The following ROBO1 variants were observed in gnomAD, a reference collection of about 807,000 sequenced individuals.
The protein encoded by ROBO1 is roundabout guidance receptor 1.
ROBO1 carries 149 observed loss-of-function variants against 195.9 expected under a neutral mutation model. The ratio of observed to expected loss-of-function variants is 0.76; its 90% confidence interval spans 0.67 to 0.87. The LOEUF is 0.87. Among genes scored for constraint, ROBO1 ranks in the 40% least tolerant of loss-of-function variants. The pLI is 0.00. For synonymous variants in ROBO1, 816 were observed against 733.2 expected, an observed-to-expected ratio of 1.11 and a Z score of -1.82; for missense variants, 1,933 against 2,068.3, an observed-to-expected ratio of 0.93 and a Z score of 1.27.
intron 2 of ROBO1, among the ~76,000 whole-genome samples, chr3:79,281,534 T>C (rs922304434): frequency 2.6e-5 from 4 of 152,198 alleles, no homozygotes; most frequent in Non-Finnish European, 4.4e-5. Context: ...AGAATGTTTA[T>C]AGAAGTTTGT....
At chr3:79,333,066 G>T (rs1018714002) in intron 2 of ROBO1, among the ~76,000 whole-genome samples, 2 of 151,894 alleles carry the variant, frequency 1.3e-5, no homozygotes, top group Admixed American at 1.3e-4. Flanking sequence ...AGCCAGGGGG[G>T]GTAGCATGCG....
intron 3 of ROBO1, among the ~76,000 whole-genome samples, chr3:79,084,453 G>A (rs757975841): frequency 2.7e-4 from 41 of 152,216 alleles, no homozygotes; most frequent in Non-Finnish European, 3.4e-4. Context: ...AGCCGAGATC[G>A]CCCATTGCAC....
At chr3:79,698,010 A>T (rs928378393) in intron 1 of ROBO1, among the ~76,000 whole-genome samples, 1 of 151,550 alleles carries the variant, frequency 6.6e-6, no homozygotes, top group African/African-American at 2.4e-5. Flanking sequence ...GAAAAATAAA[A>T]ATGTTCTAAA....
At chr3:79,746,397 A>G (rs1703878255) in intron 1 of ROBO1, among the ~76,000 whole-genome samples, 5 of 152,064 alleles carry the variant, frequency 3.3e-5, no homozygotes, top group Admixed American at 2.0e-4. Context: ...ATTTGTGGCC[A>G]CTTTACTGAT....
chr3:78,972,086 C>G (rs1327174543), intron 3 of ROBO1, among the ~76,000 whole-genome samples: 1 of 152,126 alleles, frequency 6.6e-6, no homozygotes, highest in African/African-American at 2.4e-5. Flanking sequence ...TAAAATATCT[C>G]AAAAGTTAAT....
intron 25 of ROBO1, 113 bp downstream of exon 25, chr3:78,631,046 CTG>C: frequency 1.8e-6 from 2 of 1,106,548 alleles, no homozygotes; most frequent in Non-Finnish European, 2.5e-6. Flanking sequence ...TTAAAGGCAA[CTG>C]TTTGTGGACC....
chr3:79,090,718 A>G (rs184349273), intron 3 of ROBO1, among the ~76,000 whole-genome samples: 1 of 152,202 alleles, frequency 6.6e-6, no homozygotes, highest in East Asian at 1.9e-4. Context: ...TATAATACCT[A>G]GTTCACATGG....
At chr3:79,078,988 T>C (rs1256727330) in intron 3 of ROBO1, among the ~76,000 whole-genome samples, 1 of 151,888 alleles carries the variant, frequency 6.6e-6, no homozygotes, top group East Asian at 1.9e-4. Flanking sequence ...ATAGAAATCA[T>C]CTTAGAAATT....
At chr3:79,542,451 T>C (rs951740614) in intron 2 of ROBO1, among the ~76,000 whole-genome samples, 6 of 152,056 alleles carry the variant, frequency 3.9e-5, no homozygotes, top group Non-Finnish European at 8.8e-5. Context: ...TTAGAAAAAC[T>C]GACATATTTT....
chr3:78,728,865 A>G (rs548456229), intron 5 of ROBO1, among the ~76,000 whole-genome samples: 27 of 152,232 alleles, frequency 1.8e-4, no homozygotes, highest in Non-Finnish European at 3.5e-4. Flanking sequence ...GGCTACATAC[A>G]CACAAGAGAA....
intron 2 of ROBO1, among the ~76,000 whole-genome samples, chr3:79,567,056 T>C (rs943159896): frequency 6.6e-6 from 1 of 152,152 alleles, no homozygotes. Flanking sequence ...ATCTAGACCA[T>C]GGAATACTAT....
At chr3:78,778,026 T>C (rs1202166359) in intron 4 of ROBO1, among the ~76,000 whole-genome samples, 2 of 152,224 alleles carry the variant, frequency 1.3e-5, no homozygotes, top group South Asian at 2.1e-4. Context: ...CCTATTTTAT[T>C]GAGAGTTTTT....
chr3:79,581,863 G>A (rs1247389637), intron 2 of ROBO1, among the ~76,000 whole-genome samples: 1 of 151,922 alleles, frequency 6.6e-6, no homozygotes, highest in Non-Finnish European at 1.5e-5. Context: ...TACATTGAAA[G>A]AACAAATCAT....
chr3:79,390,360 A>T (rs2036902957), intron 2 of ROBO1, among the ~76,000 whole-genome samples: 1 of 152,176 alleles, frequency 6.6e-6, no homozygotes, highest in Admixed American at 6.5e-5. Flanking sequence ...GATATATCAA[A>T]GACATGGATT....
chr3:79,018,141 G>A (rs1267649477), intron 3 of ROBO1, among the ~76,000 whole-genome samples: 1 of 152,184 alleles, frequency 6.6e-6, no homozygotes, highest in Admixed American at 6.5e-5. Context: ...AGTAATCTGG[G>A]CGTGCCCTGA....
chr3:79,574,449 A>C (rs967538515), intron 2 of ROBO1, among the ~76,000 whole-genome samples: 13 of 151,894 alleles, frequency 8.6e-5, no homozygotes, highest in African/African-American at 2.9e-4. Context: ...ATAAAATTTT[A>C]TTTTTCTTTT....
At position 78,598,893 on chromosome 3, in the gene ROBO1, CAT is replaced by C; in HGVS notation, c.*18_*19del. ...GAGTGATGATTTTCACATTAGATCT[CAT>C]AAGCCTCTTGGTTGTCTTCAGCTTT... On this transcript the variant is annotated 3_prime_UTR_variant, in exon 31 of 31. Transcript: ENST00000464233. 6.5e-7 allele frequency: 1 copy of C among 1,544,878 alleles called. No homozygotes were observed. The highest frequency in any genetic ancestry group is 8.8e-7 in the Non-Finnish European group (1 of 1,135,858).
At chr3:79,153,594 A>G (rs1041989608) in intron 2 of ROBO1, among the ~76,000 whole-genome samples, 4 of 151,438 alleles carry the variant, frequency 2.6e-5, no homozygotes, top group African/African-American at 9.7e-5. Flanking sequence ...CTAAAAGCTT[A>G]TTACAGAAAA....
At chr3:79,366,460 T>A (rs1215317180) in intron 2 of ROBO1, among the ~76,000 whole-genome samples, 1 of 152,170 alleles carries the variant, frequency 6.6e-6, no homozygotes, top group Admixed American at 6.5e-5. Flanking sequence ...GACTTTGACA[T>A]TCACCACTCT....
Sources: allele counts gnomAD v4.1 joint callset (sites outside exome capture counted in the v4.1 genomes callset), GRCh38; gene constraint gnomAD v4.1.1; transcripts MANE v1.5; gene names NCBI Gene and HGNC (gene_info 2026-07-23, HGNC 2026-07-21).